MIER1: variants seen among roughly 807,000 people sequenced by gnomAD.
MIER1 encodes mesoderm induction early response protein 1.
A neutral mutation model predicts 75.7 loss-of-function variants in MIER1; 40 were observed. That is an observed-to-expected ratio of 0.53 (90% CI 0.41 to 0.69). The LOEUF is 0.69. Among genes scored for constraint, MIER1 ranks in the 30% least tolerant of loss-of-function variants. MIER1 has a pLI of 0.00. For missense variants in MIER1, 574 were observed against 680.2 expected (o/e 0.84, Z 1.74); for synonymous variants, 213 against 223.4 (o/e 0.95, Z 0.42).
At chr1:66,925,179 C>T (rs1651204095) in intron 1 of MIER1, 84 bp downstream of exon 1, 6 of 1,477,594 alleles carry the variant, frequency 4.1e-6, no homozygotes, top group Non-Finnish European at 5.4e-6. Flanking sequence ...AGTCCCCTTT[C>T]TCTCCTTCCC....
chr1:66,948,320 A>G (rs1184486329), intron 4 of MIER1: 2 of 673,048 alleles, frequency 3.0e-6, no homozygotes, highest in Non-Finnish European at 3.7e-6. Context: ...GGAATACATA[A>G]TATCATGAAA....
At chr1:66,949,429 C>A (rs1658411434) in intron 4 of MIER1, among the ~76,000 whole-genome samples, 1 of 152,064 alleles carries the variant, frequency 6.6e-6, no homozygotes, top group Admixed American at 6.5e-5. Flanking sequence ...TTTCAAGTGA[C>A]CCTGCCTTAG....
chr1:66,985,412 G>A lies in MIER1; in HGVS notation c.*512G>A, dbSNP rs948594854. The A allele has an allele frequency of 2.5e-5, 25 of 983,278 alleles. No individual in the cohort carries two copies. The highest frequency in any genetic ancestry group is 6.1e-5 in the Admixed American group (1 of 16,270). The allele number at this position is 983,278 out of a possible 1,614,324, so 60.9% of individuals were successfully genotyped here. A position where few individuals can be genotyped will look rare whatever the true frequency, so the allele number is the denominator to read the frequency against. ...GTATCTTTATTAAGGAAACCCTTAC[G>A]AATCCTGAAAATTATGCTAGCATGA... On this transcript the variant is annotated 3_prime_UTR_variant, in exon 14 of 14. Coordinates refer to ENST00000401041, the MANE Select transcript of MIER1 (RefSeq NM_001077700.3).
chr1:66,937,917 T>C (rs1438601450), intron 2 of MIER1, among the ~76,000 whole-genome samples: 1 of 152,210 alleles, frequency 6.6e-6, no homozygotes, highest in Non-Finnish European at 1.5e-5. Context: ...TACTAAAATA[T>C]GTATGGATAC....
At chr1:66,972,090 G>A (rs887170179) in intron 10 of MIER1, among the ~76,000 whole-genome samples, 1 of 151,304 alleles carries the variant, frequency 6.6e-6, no homozygotes, top group Admixed American at 6.6e-5. Context: ...ATGAGCCTGA[G>A]ATCTCTGAAC....
chr1:66,941,862 C>T (rs1013971860), intron 3 of MIER1, among the ~76,000 whole-genome samples: 1 of 150,922 alleles, frequency 6.6e-6, no homozygotes, highest in East Asian at 2.0e-4. Flanking sequence ...CCCAGCTACT[C>T]GGAAGGCTGA....
At chr1:66,930,222 G>T in intron 2 of MIER1, 1 of 1,410,462 alleles carries the variant, frequency 7.1e-7, no homozygotes, top group Non-Finnish European at 9.2e-7. Context: ...GGGCGGAGTG[G>T]GGTGTGGTGG....
At chr1:66,973,162 T>A (rs1367040845) in intron 11 of MIER1, among the ~76,000 whole-genome samples, 171 bp downstream of exon 11, 1 of 152,116 alleles carries the variant, frequency 6.6e-6, no homozygotes, top group Non-Finnish European at 1.5e-5. Context: ...TCCTAACCTA[T>A]AATTACCTGT....
At chr1:66,955,814 G>A (rs775523300) in intron 4 of MIER1, among the ~76,000 whole-genome samples, 1 of 152,092 alleles carries the variant, frequency 6.6e-6, no homozygotes, top group African/African-American at 2.4e-5. Context: ...ATTCACAATA[G>A]TGATCAGTTG....
rs2102168714 is a variant in MIER1 at position 66,986,676 on chromosome 1, T to C, written c.*1776T>C. ...TTTGCAACACTTGACTTCATCTTAA[T>C]GTACATTCACTGTTGTTACATACAT... On this transcript the variant is annotated 3_prime_UTR_variant, in exon 14 of 14. Transcript: ENST00000401041. 1 of 506,018 alleles carries C rather than the reference T, an allele frequency of 2.0e-6. No individual in the cohort carries two copies. Among genetic ancestry groups the C allele is most frequent in the African/African-American group, 1.9e-5 (1 of 51,454 alleles). 31.3% of individuals were successfully genotyped at this position (506,018 alleles called of 1,614,324 possible). A position where few individuals can be genotyped will look rare whatever the true frequency, so the allele number is the denominator to read the frequency against.
intron 2 of MIER1, among the ~76,000 whole-genome samples, chr1:66,930,952 TG>T (rs1553238059): frequency 6.6e-6 from 1 of 152,116 alleles, no homozygotes; most frequent in Non-Finnish European, 1.5e-5. Flanking sequence ...CCCTCCAGGT[TG>T]GGGGGAGTCT....
intron 4 of MIER1, among the ~76,000 whole-genome samples, chr1:66,956,506 C>T (rs1014374777): frequency 6.6e-6 from 1 of 152,156 alleles, no homozygotes; most frequent in African/African-American, 2.4e-5. Context: ...TATTGACTCT[C>T]CAGATTCCCA....
At chr1:66,982,040 C>T (rs1665992864) in intron 13 of MIER1, 122 bp downstream of exon 13, 1 of 936,548 alleles carries the variant, frequency 1.1e-6, no homozygotes, top group Non-Finnish European at 1.6e-6. Flanking sequence ...AATGATAACA[C>T]ATGAGACAAA....
intron 2 of MIER1, chr1:66,930,404 A>G (rs1215832890): frequency 6.2e-7 from 1 of 1,607,230 alleles, no homozygotes; most frequent in South Asian, 1.1e-5. Flanking sequence ...GGCGGAGGTA[A>G]GGGAGCGAGC....
chr1:66,979,829 A>G (rs1185650315), intron 12 of MIER1, among the ~76,000 whole-genome samples: 1 of 151,714 alleles, frequency 6.6e-6, no homozygotes, highest in African/African-American at 2.4e-5. Context: ...CAGTGGCGCA[A>G]TCTCGGCTCA....
chr1:66,982,114 T>G (rs1040148379), intron 13 of MIER1, among the ~76,000 whole-genome samples, 196 bp downstream of exon 13: 2 of 152,174 alleles, frequency 1.3e-5, no homozygotes, highest in African/African-American at 4.8e-5. Flanking sequence ...TAAAAAGTAA[T>G]TTTAATAAAG....
chr1:66,977,712 T>C (rs944392448), intron 12 of MIER1, among the ~76,000 whole-genome samples: 3 of 152,190 alleles, frequency 2.0e-5, no homozygotes, highest in African/African-American at 7.2e-5. Context: ...ACCCCTTGTC[T>C]TTCATGAATT....
In MIER1 at chr1:66,946,947, A is replaced by G. The variant is rs141446223; in HGVS notation, c.339+652A>G. 10 of 985,350 alleles carry G rather than the reference A, an allele frequency of 1.0e-5. No homozygotes were observed. The African/African-American group carries it at 1.2e-4, about 12-fold the overall frequency. The allele number at this position is 985,350 out of a possible 1,614,324, so 61.0% of individuals were successfully genotyped here. On this transcript the variant is annotated intron_variant, in intron 4 of 13. Coordinates refer to ENST00000401041, the MANE Select transcript of MIER1 (RefSeq NM_001077700.3). ...TTGCAGACTCTTCTTCCGTTACTCA[A>G]GGTTTACATGTTGGCAGTTTGTGAT... is the stretch of plus-strand genomic sequence containing the variant.
At chr1:66,931,455 A>C (rs558662609) in intron 2 of MIER1, among the ~76,000 whole-genome samples, 1 of 152,194 alleles carries the variant, frequency 6.6e-6, no homozygotes, top group African/African-American at 2.4e-5. Context: ...GTAAATTTTG[A>C]TTGATAAGGC....
Sources: allele counts gnomAD v4.1 joint callset (sites outside exome capture counted in the v4.1 genomes callset), GRCh38; gene constraint gnomAD v4.1.1; transcripts MANE v1.5; gene names NCBI Gene and HGNC (gene_info 2026-07-23, HGNC 2026-07-21).